Variants in LHFPL3 observed in about 807,000 individuals in gnomAD.
The protein encoded by LHFPL3 is LHFPL tetraspan subfamily member 3 protein.
Under a neutral mutation model 19.3 loss-of-function variants are expected in LHFPL3, and 5 were observed. The ratio of observed to expected loss-of-function variants is 0.26; its 90% CI spans 0.14 to 0.54. The LOEUF (loss-of-function observed/expected upper bound fraction) is 0.54. Ranked by LOEUF, LHFPL3 falls within the 20% of genes least tolerant of loss-of-function variation. LHFPL3 has a pLI of 0.94. For synonymous variants in LHFPL3, 133 were observed against 126.2 expected, an observed-to-expected ratio of 1.05 and a Z score of -0.36; for missense variants, 249 against 307.4, an observed-to-expected ratio of 0.81 and a Z score of 1.42.
At chr7:104,394,380 A>G (rs1791141254) in intron 1 of LHFPL3, among the ~76,000 whole-genome samples, 1 of 152,222 alleles carries the variant, frequency 6.6e-6, no homozygotes, top group Non-Finnish European at 1.5e-5. Flanking sequence ...TAATGGTGGT[A>G]TAATTTAGGT....
At chr7:104,889,008 A>G (rs1339631079) in intron 2 of LHFPL3, among the ~76,000 whole-genome samples, 5 of 152,222 alleles carry the variant, frequency 3.3e-5, no homozygotes, top group Non-Finnish European at 7.3e-5. Context: ...CAAAGACAGA[A>G]AGAGAAGAAA....
chr7:104,449,641 TAGTC>T, intron 1 of LHFPL3, among the ~76,000 whole-genome samples: 1 of 152,214 alleles, frequency 6.6e-6, no homozygotes, highest in East Asian at 1.9e-4. Flanking sequence ...TTTTAGGACT[TAGTC>T]AGAGGGTTTG....
intron 1 of LHFPL3, among the ~76,000 whole-genome samples, chr7:104,457,461 T>C (rs1792569771): frequency 6.6e-6 from 1 of 152,168 alleles, no homozygotes; most frequent in East Asian, 1.9e-4. Flanking sequence ...TTTTTATGGC[T>C]GCATAGTATT....
chr7:104,521,513 G>T (rs1011754732), intron 1 of LHFPL3, among the ~76,000 whole-genome samples: 2 of 152,022 alleles, frequency 1.3e-5, no homozygotes, highest in Non-Finnish European at 2.9e-5. Context: ...AAAAGCAATG[G>T]CAACAAAAGA....
intron 1 of LHFPL3, among the ~76,000 whole-genome samples, chr7:104,552,505 T>C (rs1297680438): frequency 6.6e-6 from 1 of 152,172 alleles, no homozygotes; most frequent in Non-Finnish European, 1.5e-5. Context: ...GTGAGAAGGA[T>C]TTAGATTTCC....
At chr7:104,430,291 A>G (rs1791934196) in intron 1 of LHFPL3, among the ~76,000 whole-genome samples, 1 of 145,112 alleles carries the variant, frequency 6.9e-6, no homozygotes, top group Non-Finnish European at 1.5e-5. Context: ...AAGGCAAGGC[A>G]CCTCTTTCTT....
intron 1 of LHFPL3, among the ~76,000 whole-genome samples, chr7:104,412,230 C>T (rs1392435055): frequency 6.6e-6 from 1 of 151,714 alleles, no homozygotes; most frequent in East Asian, 1.9e-4. Flanking sequence ...ACAGCAATCC[C>T]TTGAGGGGGT....
intron 1 of LHFPL3, among the ~76,000 whole-genome samples, chr7:104,690,124 A>G (rs190904653): frequency 2.6e-4 from 40 of 152,402 alleles, no homozygotes; most frequent in African/African-American, 9.4e-4. Flanking sequence ...ATCCCCATTC[A>G]ACTCTCCTAT....
At chr7:104,332,531 A>AT (rs1479417639) in intron 1 of LHFPL3, among the ~76,000 whole-genome samples, 1 of 152,154 alleles carries the variant, frequency 6.6e-6, no homozygotes, top group African/African-American at 2.4e-5. Flanking sequence ...GCACCCAGCC[A>AT]AAATCCTATT....
intron 1 of LHFPL3, among the ~76,000 whole-genome samples, chr7:104,666,478 C>CCAT (rs1292019219): frequency 6.8e-6 from 1 of 146,330 alleles, no homozygotes; most frequent in African/African-American, 2.5e-5. Flanking sequence ...ACCTTCAGTT[C>CCAT]CATTGACGTT....
intron 2 of LHFPL3, among the ~76,000 whole-genome samples, chr7:104,847,526 T>C (rs755763199): frequency 3.3e-5 from 5 of 152,250 alleles, no homozygotes; most frequent in African/African-American, 4.8e-5. Context: ...ATTTTTTTTC[T>C]TGGAGACGGA....
chr7:104,650,940 T>G (rs1792022174), intron 1 of LHFPL3, among the ~76,000 whole-genome samples: 1 of 152,178 alleles, frequency 6.6e-6, no homozygotes, highest in African/African-American at 2.4e-5. Context: ...GACTCAACAG[T>G]GACTTGCTTC....
At chr7:104,709,971 C>A (rs536553301) in intron 1 of LHFPL3, among the ~76,000 whole-genome samples, 1 of 152,284 alleles carries the variant, frequency 6.6e-6, no homozygotes, top group East Asian at 1.9e-4. Context: ...CCAAGGCAGG[C>A]GGCTGGGAGG....
chr7:104,502,305 A>C (rs1288700304), intron 1 of LHFPL3, among the ~76,000 whole-genome samples: 1 of 152,228 alleles, frequency 6.6e-6, no homozygotes, highest in Non-Finnish European at 1.5e-5. Flanking sequence ...TTTGGAAATA[A>C]ATTCCTCTTT....
intron 1 of LHFPL3, among the ~76,000 whole-genome samples, chr7:104,719,397 G>T (rs1793446615): frequency 6.6e-6 from 1 of 152,110 alleles, no homozygotes; most frequent in Non-Finnish European, 1.5e-5. Flanking sequence ...AAAAAAGGGG[G>T]ATGAGTATTC....
chr7:104,785,499 G>A (rs1002262663), intron 2 of LHFPL3: 1 of 152,200 alleles, frequency 6.6e-6, no homozygotes, highest in African/African-American at 2.4e-5. Flanking sequence ...CCAGCTGACT[G>A]TCCCATAGGT....
chr7:104,420,898 T>A (rs6962485), intron 1 of LHFPL3, among the ~76,000 whole-genome samples: 16,171 of 152,100 alleles, frequency 0.11, 1,001 homozygotes, highest in East Asian at 0.26. Context: ...GCAGATTTAA[T>A]CCAAACTGAC....
intron 1 of LHFPL3, among the ~76,000 whole-genome samples, chr7:104,713,504 A>G (rs995535338): frequency 5.9e-5 from 9 of 152,152 alleles, no homozygotes; most frequent in Non-Finnish European, 8.8e-5. Flanking sequence ...ACACACTTCC[A>G]AACAACCAGA....
At chr7:104,838,487 T>C (rs986651222) in intron 2 of LHFPL3, among the ~76,000 whole-genome samples, 3 of 152,234 alleles carry the variant, frequency 2.0e-5, no homozygotes, top group Non-Finnish European at 4.4e-5. Flanking sequence ...ACACCCAGAA[T>C]TCCAACTGTA....
Sources: gnomAD v4.1 joint callset for allele counts (sites outside exome capture counted in the v4.1 genomes callset) on GRCh38, gnomAD v4.1.1 for gene constraint, MANE v1.5 for transcripts, NCBI Gene and HGNC (gene_info 2026-07-23, HGNC 2026-07-21) for gene names.